CES5A: variants seen among roughly 807,000 people sequenced by gnomAD.
CES5A encodes the protein carboxylesterase 5.
CES5A carries 67 observed loss-of-function variants against 62.9 expected under a neutral mutation model. That is an observed-to-expected ratio of 1.07 (90% CI 0.88 to 1.31). The LOEUF is 1.31. Ranked by LOEUF, CES5A falls within the 50% of genes most tolerant of loss-of-function variation. CES5A has a pLI of 0.00. For synonymous variants in CES5A, 296 were observed against 280.8 expected, an observed-to-expected ratio of 1.05 and a Z score of -0.54; for missense variants, 748 against 708.5, an observed-to-expected ratio of 1.06 and a Z score of -0.63.
At chr16:55,889,050 A>G (rs541526644) in intron 1 of CES5A, among the ~76,000 whole-genome samples, 3 of 152,272 alleles carry the variant, frequency 2.0e-5, no homozygotes, top group Admixed American at 6.5e-5. Flanking sequence ...AAAGTAGCCT[A>G]GAATGACCTA....
intron 1 of CES5A, among the ~76,000 whole-genome samples, chr16:55,955,331 C>T (rs1305457913): frequency 6.6e-6 from 1 of 152,102 alleles, no homozygotes; most frequent in Non-Finnish European, 1.5e-5. Flanking sequence ...ACTAATCCCC[C>T]CCATCTTTTA....
At chr16:55,865,186 A>G (rs1374174989) in intron 5 of CES5A, among the ~76,000 whole-genome samples, 1 of 152,234 alleles carries the variant, frequency 6.6e-6, no homozygotes, top group Non-Finnish European at 1.5e-5. Context: ...AGCCTGGGCA[A>G]CAAAAGCGAA....
chr16:55,860,068 G>A (rs1379369955), intron 7 of CES5A, among the ~76,000 whole-genome samples: 2 of 152,142 alleles, frequency 1.3e-5, no homozygotes, highest in African/African-American at 2.4e-5. Context: ...AATCATGGGG[G>A]CAGGTCTTTC....
intron 1 of CES5A, among the ~76,000 whole-genome samples, chr16:55,916,843 C>T (rs556022779): frequency 1.2e-4 from 18 of 152,350 alleles, no homozygotes; most frequent in African/African-American, 4.1e-4. Flanking sequence ...CAGGCCTTCT[C>T]TTCCACTCCA....
At chr16:55,952,866 C>A (rs1349896674) in intron 1 of CES5A, among the ~76,000 whole-genome samples, 1 of 152,118 alleles carries the variant, frequency 6.6e-6, no homozygotes. Context: ...ATGTGATATA[C>A]TATGCAGGGC....
At chr16:55,899,812 C>G (rs1476359289) in intron 1 of CES5A, among the ~76,000 whole-genome samples, 1 of 152,154 alleles carries the variant, frequency 6.6e-6, no homozygotes, top group African/African-American at 2.4e-5. Context: ...GGCCCACAAG[C>G]TCAATAGTGC....
intron 1 of CES5A, among the ~76,000 whole-genome samples, chr16:55,951,495 A>G (rs969315678): frequency 2.0e-5 from 3 of 152,232 alleles, no homozygotes; most frequent in African/African-American, 4.8e-5. Flanking sequence ...ATGAGAAGTC[A>G]TTTAAATGGA....
chr16:55,915,226 C>T (rs1425536139), intron 1 of CES5A, among the ~76,000 whole-genome samples: 1 of 152,106 alleles, frequency 6.6e-6, no homozygotes, highest in Non-Finnish European at 1.5e-5. Context: ...ATGTCAGCCC[C>T]AATGAATTAC....
intron 1 of CES5A, among the ~76,000 whole-genome samples, chr16:55,885,289 T>A (rs1157478493): frequency 6.6e-6 from 1 of 152,182 alleles, no homozygotes; most frequent in Non-Finnish European, 1.5e-5. Context: ...CAAGATGATA[T>A]CCTCCACTCC....
At chr16:55,906,615 G>T (rs1325881408) in intron 1 of CES5A, among the ~76,000 whole-genome samples, 1 of 152,238 alleles carries the variant, frequency 6.6e-6, no homozygotes, top group East Asian at 1.9e-4. Flanking sequence ...CCACGGGCAC[G>T]TGAATGAACA....
At chr16:55,944,510 G>C (rs1182863462) in intron 2 of CES5A, 2 of 159,742 alleles carry the variant, frequency 1.3e-5, no homozygotes, top group Admixed American at 6.2e-5. Context: ...TGGAAAAAAG[G>C]GTGTGGGAGA....
intron 3 of CES5A, among the ~76,000 whole-genome samples, chr16:55,870,764 T>C (rs1434744704): frequency 6.8e-6 from 1 of 147,038 alleles, no homozygotes; most frequent in Non-Finnish European, 1.5e-5. Context: ...CATAAAACAT[T>C]CAAATGGCAT....
exon 1 of CES5A, chr16:55,955,965 A>G: frequency 7.1e-7 from 1 of 1,411,672 alleles, no homozygotes; most frequent in South Asian, 1.2e-5. Flanking sequence ...CTTGCACATC[A>G]TGTACATGGT....
chr16:55,859,817 A>G, intron 7 of CES5A, 130 bp from the exon 8 acceptor site: 1 of 747,784 alleles, frequency 1.3e-6, no homozygotes, highest in East Asian at 2.7e-5. Flanking sequence ...TTAAAAAGTA[A>G]AAACAAACAC....
At chr16:55,854,591 G>C (rs1162198907) in intron 9 of CES5A, among the ~76,000 whole-genome samples, 1 of 114,538 alleles carries the variant, frequency 8.7e-6, no homozygotes, top group Non-Finnish European at 1.6e-5. Context: ...GCCCAGGCTA[G>C]AGTACAGTGG....
chr16:55,920,673 A>G (rs1188716897), intron 1 of CES5A, among the ~76,000 whole-genome samples: 1 of 152,258 alleles, frequency 6.6e-6, no homozygotes, highest in African/African-American at 2.4e-5. Context: ...CAGCCAGGGA[A>G]GACAGAAACA....
intron 1 of CES5A, among the ~76,000 whole-genome samples, chr16:55,955,148 A>C (rs934612952): frequency 6.6e-6 from 1 of 152,134 alleles, no homozygotes. Flanking sequence ...CTCAGTGTAC[A>C]CCAAAGAAAT....
chr16:55,926,143 GA>G (rs1174294405), upstream of CES5A, among the ~76,000 whole-genome samples: 4 of 152,144 alleles, frequency 2.6e-5, no homozygotes, highest in South Asian at 6.2e-4. Context: ...CTGGAATGAA[GA>G]AAAAATATCT....
At chr16:55,915,732 A>T (rs62036978) in intron 1 of CES5A, among the ~76,000 whole-genome samples, 35,502 of 151,870 alleles carry the variant, frequency 0.23, 5,189 homozygotes, top group Non-Finnish European at 0.33. Flanking sequence ...CACTTTGACT[A>T]CTCACAGGTC....
Sources: gnomAD v4.1 joint callset for allele counts (sites outside exome capture counted in the v4.1 genomes callset) on GRCh38, gnomAD v4.1.1 for gene constraint, MANE v1.5 for transcripts, NCBI Gene and HGNC (gene_info 2026-07-23, HGNC 2026-07-21) for gene names.